Variants in RABGAP1L observed in about 807,000 individuals in gnomAD.
The protein encoded by RABGAP1L is rab GTPase-activating protein 1-like.
RABGAP1L carries 63 observed loss-of-function variants against 137.7 expected under a neutral mutation model. That is an observed-to-expected ratio of 0.46 (90% CI 0.37 to 0.56). RABGAP1L has a LOEUF of 0.56. RABGAP1L is among the 20% of genes least tolerant of loss of function. RABGAP1L has a pLI of 0.00. For synonymous variants in RABGAP1L, 431 were observed against 433.7 expected (o/e 0.99, Z 0.08); for missense variants, 1,095 against 1,244.0 (o/e 0.88, Z 1.80).
intron 7 of RABGAP1L, among the ~76,000 whole-genome samples, chr1:174,257,361 T>TC (rs1434723132): frequency 1.3e-5 from 2 of 152,202 alleles, no homozygotes; most frequent in Non-Finnish European, 2.9e-5. Context: ...TCCTTCCTTT[T>TC]CTCAGTAAGT....
At chr1:174,577,165 C>T (rs1237332023) in intron 13 of RABGAP1L, among the ~76,000 whole-genome samples, 1 of 149,816 alleles carries the variant, frequency 6.7e-6, no homozygotes, top group East Asian at 2.0e-4. Flanking sequence ...CATTACATTC[C>T]AGCCTGGGTG....
intron 13 of RABGAP1L, among the ~76,000 whole-genome samples, chr1:174,521,893 A>G (rs1490629903): frequency 6.6e-6 from 1 of 152,276 alleles, no homozygotes; most frequent in African/African-American, 2.4e-5. Flanking sequence ...AGCCTGACCA[A>G]CATAGTGAAA....
At chr1:174,494,733 T>C (rs556202937) in intron 13 of RABGAP1L, among the ~76,000 whole-genome samples, 4 of 152,348 alleles carry the variant, frequency 2.6e-5, no homozygotes, top group Admixed American at 1.3e-4. Context: ...GCTCCGACTC[T>C]ACCTTTCACT....
chr1:174,578,888 G>C (rs1362207430), intron 13 of RABGAP1L, among the ~76,000 whole-genome samples: 2 of 151,914 alleles, frequency 1.3e-5, no homozygotes, highest in Non-Finnish European at 2.9e-5. Flanking sequence ...TGAACAGTTA[G>C]GTCTCCCTTA....
chr1:174,472,442 G>A (rs75651964), intron 13 of RABGAP1L, among the ~76,000 whole-genome samples: 18,276 of 152,154 alleles, frequency 0.12, 3,703 homozygotes, highest in African/African-American at 0.41. Context: ...CAGGCCCCCA[G>A]GTTTGGTGAT....
chr1:174,886,313 G>A (rs1009259669), intron 19 of RABGAP1L, among the ~76,000 whole-genome samples: 1 of 152,154 alleles, frequency 6.6e-6, no homozygotes, highest in Admixed American at 6.5e-5. Flanking sequence ...CGCCTGGCGA[G>A]AAACCAATAT....
At position 174,780,110 on chromosome 1, in the gene RABGAP1L, A is replaced by AT. The variant is rs202026623; in HGVS notation, c.2211+27757dup. 1.5e-3 allele frequency among the ~76,000 whole-genome samples: 185 copies of AT among 123,186 alleles called. 1 individual carries two copies. The highest frequency in any genetic ancestry group is 4.4e-3 in the African/African-American group (167 of 38,160). The allele number at this position is 123,186 out of a possible 152,430, so 80.8% of individuals were successfully genotyped here. A position where few individuals can be genotyped will look rare whatever the true frequency, so the allele number is the denominator to read the frequency against. ...AATAAATAAATAAATAAATAAATAA[A>AT]TAAATAAATTAAATAAGCCCTAATT... is the stretch of plus-strand genomic sequence containing the variant. On this transcript the variant is annotated intron_variant, in intron 18 of 25. Coordinates refer to ENST00000681986, the MANE Select transcript of RABGAP1L (RefSeq NM_001366446.1).
chr1:174,792,659 A>G (rs529827379), intron 18 of RABGAP1L, among the ~76,000 whole-genome samples: 29 of 152,256 alleles, frequency 1.9e-4, no homozygotes, highest in Non-Finnish European at 4.0e-4. Flanking sequence ...AATTATACAT[A>G]TAAAATATCT....
intron 13 of RABGAP1L, chr1:174,548,098 G>T (rs1457606872): frequency 1.4e-5 from 21 of 1,541,028 alleles, no homozygotes; most frequent in Non-Finnish European, 1.8e-5. Flanking sequence ...TGCTTTCTTT[G>T]CATGGGAGGT....
At chr1:174,382,994 G>C (rs926499128) in intron 12 of RABGAP1L, among the ~76,000 whole-genome samples, 1 of 151,110 alleles carries the variant, frequency 6.6e-6, no homozygotes, top group African/African-American at 2.4e-5. Flanking sequence ...CTGTTTGTTA[G>C]TTTTCCTTCT....
rs933449799 is a variant in RABGAP1L at position 174,649,155 on chromosome 1, A to G, written c.1824+11667A>G. On this transcript the variant is annotated intron_variant, in intron 14 of 25. Transcript: ENST00000681986. ...CTGATAGGTCTTGACTCTTTATCCA[A>G]TTTGCCAGTCTGTGTCTTTTAATTC... Among the ~76,000 whole-genome samples, 10 of 152,138 alleles carry G rather than the reference A, an allele frequency of 6.6e-5. No individual in the cohort carries two copies. The East Asian group carries it at 1.7e-3, about 26-fold the overall frequency.
chr1:174,969,416 C>A, intron 21 of RABGAP1L, 29 bp downstream of exon 21: 1 of 1,504,624 alleles, frequency 6.6e-7, no homozygotes. Context: ...ACTGTGATGA[C>A]TTCCTCAGGG....
chr1:174,356,729 A>C (rs1371033570), intron 11 of RABGAP1L, among the ~76,000 whole-genome samples: 1 of 152,134 alleles, frequency 6.6e-6, no homozygotes, highest in Non-Finnish European at 1.5e-5. Flanking sequence ...TGATCTCTGC[A>C]TGTTAAAAAT....
intron 12 of RABGAP1L, among the ~76,000 whole-genome samples, chr1:174,380,864 C>A (rs1015206099): frequency 1.7e-4 from 22 of 131,724 alleles, no homozygotes; most frequent in African/African-American, 5.9e-4. Flanking sequence ...TTTTCTAGTT[C>A]TTTTAATTGT....
intron 1 of RABGAP1L, among the ~76,000 whole-genome samples, chr1:174,169,668 A>C (rs573606615): frequency 4.7e-4 from 72 of 152,230 alleles, no homozygotes; most frequent in African/African-American, 1.7e-3. Flanking sequence ...ACTTTTCTAA[A>C]GACAGACCTT....
intron 14 of RABGAP1L, among the ~76,000 whole-genome samples, chr1:174,665,334 G>GCCTTCCTT (rs201028292): frequency 6.6e-6 from 1 of 151,520 alleles, no homozygotes; most frequent in Non-Finnish European, 1.5e-5. Flanking sequence ...CTGCCTGCCT[G>GCCTTCCTT]CCTTCCTTCC....
rs866602190 is a variant in RABGAP1L, at chr1:174,550,915, C to T, written c.1711-86460C>T. The stretch of plus-strand genomic sequence containing the variant: ...ATATATACACACACACATATACACA[C>T]ACACACATATATATATACACATATA... On this transcript the variant is annotated intron_variant, in intron 13 of 25. Transcript: ENST00000681986. Among the ~76,000 whole-genome samples the T allele has an allele frequency of 5.2e-4, 51 of 97,988 alleles. 1 individual carries two copies. The highest frequency in any genetic ancestry group is 2.2e-3 in the African/African-American group (31 of 14,196). The allele number at this position is 97,988 out of a possible 152,430, so 64.3% of individuals were successfully genotyped here. A position where few individuals can be genotyped will look rare whatever the true frequency, so the allele number is the denominator to read the frequency against.
chr1:174,598,815 G>T (rs1420070843), intron 13 of RABGAP1L, among the ~76,000 whole-genome samples: 1 of 151,652 alleles, frequency 6.6e-6, no homozygotes, highest in Non-Finnish European at 1.5e-5. Flanking sequence ...ATTTCTTGTA[G>T]CCAAAAGATC....
chr1:174,495,243 T>A (rs1353536031), intron 13 of RABGAP1L, among the ~76,000 whole-genome samples: 2 of 152,158 alleles, frequency 1.3e-5, no homozygotes, highest in Non-Finnish European at 1.5e-5. Flanking sequence ...CACAAATTCA[T>A]GGAGTGAAAG....
Sources: allele counts gnomAD v4.1 joint callset (sites outside exome capture counted in the v4.1 genomes callset), GRCh38; gene constraint gnomAD v4.1.1; transcripts MANE v1.5; gene names NCBI Gene and HGNC (gene_info 2026-07-23, HGNC 2026-07-21).